Variants in ANO3 observed in about 807,000 individuals in gnomAD.
ANO3 encodes anoctamin 3, also known as anoctamin-3.
A neutral mutation model predicts 144.8 loss-of-function variants in ANO3; 99 were observed. That is an observed-to-expected ratio of 0.68 (90% CI 0.58 to 0.81). The LOEUF (loss-of-function observed/expected upper bound fraction) is 0.81, where lower values mean the gene tolerates loss of function less well. Ranked by LOEUF, ANO3 falls within the 30% of genes least tolerant of loss-of-function variation. The probability of loss-of-function intolerance (pLI) is 0.00; values close to 1 mark genes in which losing one functional copy is unlikely to be tolerated. For synonymous variants in ANO3, 414 were observed against 392.6 expected (o/e 1.05, Z -0.64); for missense variants, 905 against 1,202.2 (o/e 0.75, Z 3.66).
At chr11:26,501,388 T>C (rs1251946270) in intron 4 of ANO3, among the ~76,000 whole-genome samples, 1 of 152,134 alleles carries the variant, frequency 6.6e-6, no homozygotes, top group Admixed American at 6.5e-5. Flanking sequence ...TAAATGGGTA[T>C]AGCAATATTT....
chr11:26,296,842 C>A (rs1854101812), intron 1 of ANO3, among the ~76,000 whole-genome samples: 1 of 152,044 alleles, frequency 6.6e-6, no homozygotes, highest in Non-Finnish European at 1.5e-5. Context: ...GCTTCCAAGC[C>A]ACGTAAATGT....
chr11:26,539,349 C>T (rs966636254), intron 10 of ANO3, among the ~76,000 whole-genome samples: 14 of 152,068 alleles, frequency 9.2e-5, no homozygotes, highest in South Asian at 2.1e-4. Context: ...ATAATCACTT[C>T]GGTCCGTTTT....
At chr11:26,218,168 G>A (rs1264977373) in intron 1 of ANO3, among the ~76,000 whole-genome samples, 1 of 152,096 alleles carries the variant, frequency 6.6e-6, no homozygotes, top group Admixed American at 6.6e-5. Flanking sequence ...TTATGAAGTT[G>A]AGTGGTCCTG....
At chr11:26,238,414 C>T (rs1251837151) in intron 1 of ANO3, among the ~76,000 whole-genome samples, 1 of 152,094 alleles carries the variant, frequency 6.6e-6, no homozygotes, top group Non-Finnish European at 1.5e-5. Flanking sequence ...TTAGAATCAT[C>T]ATAGGTTAAG....
At chr11:26,600,266 C>CTCCTG (rs1851755399) in intron 17 of ANO3, among the ~76,000 whole-genome samples, 1 of 111,280 alleles carries the variant, frequency 9.0e-6, no homozygotes, top group Admixed American at 8.9e-5. Context: ...CTCCTCTCCT[C>CTCCTG]TCCTCTCCCC....
intron 4 of ANO3, among the ~76,000 whole-genome samples, chr11:26,479,954 A>T (rs996844581): frequency 6.6e-6 from 1 of 152,164 alleles, no homozygotes; most frequent in Non-Finnish European, 1.5e-5. Flanking sequence ...TGAAAATGTC[A>T]TCGCTAGGGG....
At chr11:26,362,986 A>G (rs776389869) in intron 1 of ANO3, among the ~76,000 whole-genome samples, 3 of 152,194 alleles carry the variant, frequency 2.0e-5, no homozygotes, top group Non-Finnish European at 2.9e-5. Flanking sequence ...AACAAACCAT[A>G]TAACTGGATA....
intron 1 of ANO3, among the ~76,000 whole-genome samples, chr11:26,211,741 A>T (rs1260331543): frequency 1.3e-5 from 2 of 152,222 alleles, no homozygotes; most frequent in African/African-American, 4.8e-5. Context: ...AAATCATTCT[A>T]GTATAAAGAC....
rs376104162 is a variant in ANO3 at position 26,504,746 on chromosome 11, G to T, written c.433-3358G>T. On this transcript the variant is annotated intron_variant, in intron 4 of 26. Transcript: ENST00000256737. ...AGAAGAGAAAAGGTAGAAGCCCGCC[G>T]GGCGCGGTGGCTCACGCCTGTAATC... Among the ~76,000 whole-genome samples the T allele has an allele frequency of 9.9e-5, 15 of 151,588 alleles. 1 individual carries two copies.
intron 14 of ANO3, chr11:26,560,200 G>A (rs1470848288): frequency 6.3e-6 from 1 of 159,344 alleles, no homozygotes; most frequent in Admixed American, 6.2e-5. Flanking sequence ...ATTCCATTAT[G>A]ATTGAGCAAT....
intron 4 of ANO3, among the ~76,000 whole-genome samples, chr11:26,472,362 A>T (rs1859813480): frequency 2.6e-5 from 4 of 151,958 alleles, no homozygotes; most frequent in African/African-American, 7.2e-5. Flanking sequence ...GATTTTAATG[A>T]CTTCTACTTT....
chr11:26,369,797 A>G (rs1023707669), intron 1 of ANO3, among the ~76,000 whole-genome samples: 2 of 152,072 alleles, frequency 1.3e-5, no homozygotes, highest in Non-Finnish European at 2.9e-5. Context: ...TTACTTTCTA[A>G]ATTGGAATCT....
At chr11:26,461,129 A>T (rs1225449625) in intron 3 of ANO3, among the ~76,000 whole-genome samples, 1 of 152,068 alleles carries the variant, frequency 6.6e-6, no homozygotes, top group Non-Finnish European at 1.5e-5. Flanking sequence ...AGCGAGCGCG[A>T]GAGTGCCTAC....
intron 1 of ANO3, among the ~76,000 whole-genome samples, chr11:26,217,021 T>C (rs1307941918): frequency 3.9e-5 from 6 of 152,052 alleles, no homozygotes; most frequent in African/African-American, 1.4e-4. Context: ...AGCTTATGCT[T>C]TCATTCTCTT....
At chr11:26,599,787 T>C (rs1246219357) in intron 17 of ANO3, 73 bp downstream of exon 17, 4 of 1,367,640 alleles carry the variant, frequency 2.9e-6, no homozygotes, top group East Asian at 4.8e-5. Flanking sequence ...GTTTCCTTTA[T>C]ATTTGAAATG....
At chr11:26,198,835 C>G (rs1851637855) in intron 1 of ANO3, among the ~76,000 whole-genome samples, 2 of 152,152 alleles carry the variant, frequency 1.3e-5, no homozygotes, top group African/African-American at 4.8e-5. Context: ...TATCGTTGAG[C>G]CAGTACGTTT....
intron 14 of ANO3, chr11:26,563,240 G>A (rs761084763): frequency 4.2e-5 from 67 of 1,606,578 alleles, no homozygotes; most frequent in African/African-American, 3.6e-4. Flanking sequence ...AAATGGCCCC[G>A]AATACTATTC....
In ANO3 at chr11:26,220,339, C is replaced by T. The variant is rs559827150; in HGVS notation, c.154+31009C>T. 2.6e-5 allele frequency among the ~76,000 whole-genome samples: 4 copies of T among 152,322 alleles called. No homozygotes were observed. The South Asian group carries it at 8.3e-4, about 32-fold the overall frequency. On this transcript the variant is annotated intron_variant, in intron 1 of 27. Transcript: ENST00000672621. The stretch of plus-strand genomic sequence containing the variant: ...GATCAGGCATGCCTGGGGCAGCAAG[C>T]TAGCCCAGGATCCCAGTGACCCACA...
intron 10 of ANO3, among the ~76,000 whole-genome samples, chr11:26,537,738 A>G (rs1041438060): frequency 6.6e-6 from 1 of 152,338 alleles, no homozygotes; most frequent in South Asian, 2.1e-4. Flanking sequence ...CAGAGCTCCA[A>G]GCTTGATCCA....
Sources: allele counts gnomAD v4.1 joint callset (sites outside exome capture counted in the v4.1 genomes callset), GRCh38; gene constraint gnomAD v4.1.1; transcripts MANE v1.5; gene names NCBI Gene and HGNC (gene_info 2026-07-23, HGNC 2026-07-21).